ALDH16A1: variants seen among roughly 807,000 people sequenced by gnomAD.
ALDH16A1 encodes the protein aldehyde dehydrogenase family 16 member A1.
ALDH16A1 carries 88 observed loss-of-function variants against 96.1 expected under a neutral mutation model. The ratio of observed to expected loss-of-function variants is 0.92; its 90% confidence interval spans 0.77 to 1.09. The LOEUF is 1.09. Among genes scored for constraint, ALDH16A1 ranks in the 50% least tolerant of loss-of-function variants. ALDH16A1 has a pLI of 0.00. For synonymous variants in ALDH16A1, 522 were observed against 496.4 expected (o/e 1.05, Z -0.69); for missense variants, 1,250 against 1,112.6 (o/e 1.12, Z -1.76).
At chr19:49,460,679 G>A (rs1315094251) in intron 4 of ALDH16A1, 143 bp from the exon 5 acceptor site, 7 of 685,512 alleles carry the variant, frequency 1.0e-5, no homozygotes, top group African/African-American at 9.1e-5. Context: ...CTCCCAAAGT[G>A]CTGAGATTAC....
chr19:49,461,212 G>A (rs112374377), intron 5 of ALDH16A1, among the ~76,000 whole-genome samples: 4 of 125,732 alleles, frequency 3.2e-5, no homozygotes, highest in South Asian at 2.5e-4. Context: ...AGGGAGGAGG[G>A]GCTGGGGTCT....
Position 49,461,977 on chromosome 19 carries a change from G to T in ALDH16A1, c.853G>T (p.Ala285Ser), listed in dbSNP as rs1601028501. 6.4e-7 allele frequency: 1 copy of T among 1,555,228 alleles called. No individual in the cohort carries two copies. The highest frequency in any genetic ancestry group is 8.7e-7 in the Non-Finnish European group (1 of 1,153,458). Residue 285 changes from alanine to serine, a missense_variant, in exon 7 of 17, where the codon GCG becomes TCG. Transcript: ENST00000293350. ...TESLLLLTDTADVDSAVEGVV... is the reference protein window; with the variant it reads ...TESLLLLTDTSDVDSAVEGVV... Reference sequence around the variant, plus strand: ...GTCGCTGCTGCTGCTGACGGACACGGCGGACGTAGACTCGGCCGTGGAGGG... The same window carrying T: ...GTCGCTGCTGCTGCTGACGGACACGTCGGACGTAGACTCGGCCGTGGAGGG...
In ALDH16A1 at chr19:49,459,578, TG is replaced by T; in HGVS notation, c.321-88del. ...ATGGTGGGGATGCCTCAGGGGCTCA[TG>T]GGGATTGTAGTCCAGGTATATAGGA... On this transcript the variant is annotated intron_variant, in intron 3 of 16. Transcript: ENST00000293350. The surrounding 1 kb of genome is among the most constrained non-coding windows in gnomAD (Gnocchi z 4.1). The T allele has an allele frequency of 7.0e-7, 1 of 1,426,210 alleles. No homozygotes were observed. The highest frequency in any genetic ancestry group is 9.3e-7 in the Non-Finnish European group (1 of 1,069,770). The allele number at this position is 1,426,210 out of a possible 1,614,324, so 88.3% of individuals were successfully genotyped here.
intron 12 of ALDH16A1, 91 bp downstream of exon 12, chr19:49,464,853 G>A (rs1330311379): frequency 3.2e-6 from 5 of 1,577,420 alleles, no homozygotes; most frequent in African/African-American, 1.3e-5. Flanking sequence ...CTGGCGCGAG[G>A]TCCATCCAAA....
At position 49,465,823 on chromosome 19, in the gene ALDH16A1, G is replaced by C; in HGVS notation, c.1654G>C (p.Gly552Arg). The C allele has an allele frequency of 6.2e-7, 1 of 1,614,142 alleles. No individual in the cohort carries two copies. Among genetic ancestry groups the C allele is most frequent in the Non-Finnish European group, 8.5e-7 (1 of 1,180,014 alleles). Residue 552 changes from glycine to arginine, a missense_variant, in exon 13 of 17, where the codon GGC becomes CGC. Physicochemically the swap from Gly to Arg is moderately radical, Grantham distance 125. Transcript: ENST00000293350. ...CTCCAGGCCCATCCGGGATTCGTCT[G>C]GCAACCTCCATGGCTACGTGGCTGA... ...RSSRPIRDSSGNLHGYVAEGG... is the reference protein window; with the variant it reads ...RSSRPIRDSSRNLHGYVAEGG...
chr19:49,464,510 C>G lies in ALDH16A1; in HGVS notation c.1425C>G (p.His475Gln). Residue 475 changes from histidine to glutamine, a missense_variant, in exon 11 of 17, where the codon CAC becomes CAG. Transcript: ENST00000293350. ...GGCKESGCSW[H>Q]GGPDGLYEYL... ...GCAAGGAGAGTGGGTGTTCCTGGCA[C>G]GGGGGCCCAGACGTGAGTACATCCC... 1 of 1,613,792 alleles carries G rather than the reference C, an allele frequency of 6.2e-7. No individual in the cohort carries two copies. Among genetic ancestry groups the G allele is most frequent in the South Asian group, 1.1e-5 (1 of 91,072 alleles).
chr19:49,458,055 A>G (rs79332767), intron 1 of ALDH16A1, among the ~76,000 whole-genome samples: 3,408 of 152,174 alleles, frequency 0.022, 138 homozygotes, highest in African/African-American at 0.077. Flanking sequence ...CTCTACTAAA[A>G]ATACAAAAAC....
intron 1 of ALDH16A1, 60 bp from the exon 2 acceptor site, chr19:49,458,426 G>T: frequency 7.5e-7 from 1 of 1,328,188 alleles, no homozygotes; most frequent in Non-Finnish European, 1.1e-6. Flanking sequence ...ATTCTGGGTA[G>T]GGGTTGAACT....
intron 1 of ALDH16A1, 29 bp from the exon 2 acceptor site, chr19:49,458,457 C>T: frequency 1.9e-6 from 3 of 1,545,340 alleles, no homozygotes; most frequent in Non-Finnish European, 2.6e-6. Context: ...CTCCCGAACC[C>T]CTTTCCAAAC....
At chr19:49,460,416 G>GT (rs58445185) in intron 4 of ALDH16A1, among the ~76,000 whole-genome samples, 233 of 139,722 alleles carry the variant, frequency 1.7e-3, no homozygotes, top group East Asian at 0.011. Flanking sequence ...TTTTGTTTTT[G>GT]TTTTTTTTTT....
At chr19:49,453,629 C>G (rs925043141) in intron 1 of ALDH16A1, 36 of 524,484 alleles carry the variant, frequency 6.9e-5, no homozygotes, top group African/African-American at 6.3e-4. Flanking sequence ...TCCGGTCTTC[C>G]CCACTGGTTC....
rs2079237319 is a variant in ALDH16A1 at position 49,470,541 on chromosome 19, T to TTC, written c.*75_*76dup. 21 of 1,406,104 alleles carry TTC rather than the reference T, an allele frequency of 1.5e-5. No individual in the cohort carries two copies. In the South Asian group the frequency reaches 2.9e-4, roughly 20 times the overall value. 87.1% of individuals were successfully genotyped at this position (1,406,104 alleles called of 1,614,324 possible). ...ATGCACCCCACAGACACCTGGGACTTTCCCCTTCTGGTTCCTGTGTCTCCC... is the reference window on the plus strand; with the variant it reads ...ATGCACCCCACAGACACCTGGGACTTTCTCCCCTTCTGGTTCCTGTGTCTCCC... On this transcript the variant is annotated 3_prime_UTR_variant, in exon 17 of 17. Transcript: ENST00000293350.
At chr19:49,461,832 C>A in intron 6 of ALDH16A1, 32 bp downstream of exon 6, 2 of 1,602,518 alleles carry the variant, frequency 1.2e-6, no homozygotes, top group Non-Finnish European at 1.7e-6. Flanking sequence ...TGGCGGAACG[C>A]GGCTGGGGGC....
chr19:49,459,935 A>G lies in ALDH16A1; in HGVS notation c.499+87A>G. 1 of 1,453,958 alleles carries G rather than the reference A, an allele frequency of 6.9e-7. No individual in the cohort carries two copies. The highest frequency in any genetic ancestry group is 1.3e-5 in the South Asian group (1 of 74,252). The allele number at this position is 1,453,958 out of a possible 1,614,324, so 90.1% of individuals were successfully genotyped here. On this transcript the variant is annotated intron_variant, in intron 4 of 16. Transcript: ENST00000293350. The surrounding 1 kb of genome is among the most constrained non-coding windows in gnomAD (Gnocchi z 4.1). Reference sequence around the variant, plus strand: ...CCCTCATTCTTTTTCTTTTAGACAGAGTTTCGCTCTTGTCGCCCAGGCCGG... The same window carrying G: ...CCCTCATTCTTTTTCTTTTAGACAGGGTTTCGCTCTTGTCGCCCAGGCCGG...
chr19:49,457,641 GCT>G (rs1319106559), intron 1 of ALDH16A1, among the ~76,000 whole-genome samples: 1 of 151,464 alleles, frequency 6.6e-6, no homozygotes, highest in East Asian at 2.0e-4. Context: ...ACAGAGCCTT[GCT>G]CTGTTACTCA....
In ALDH16A1 at chr19:49,464,772, T is replaced by A; in HGVS notation, c.1568+10T>A. The A allele has an allele frequency of 6.2e-7, 1 of 1,613,702 alleles. No individual in the cohort carries two copies. The highest frequency in any genetic ancestry group is 8.5e-7 in the Non-Finnish European group (1 of 1,179,958). The stretch of plus-strand genomic sequence containing the variant: ...CTGAAATAGGGCCCAGGTGAGTCGT[T>A]GGGGGCCAGTGGTCTGGGAGTGTGA... On this transcript the variant is annotated intron_variant, in intron 12 of 16. Transcript: ENST00000293350.
At position 49,470,302 on chromosome 19, in the gene ALDH16A1, T is replaced by C; in HGVS notation, c.2248-4T>C. 6.2e-7 allele frequency: 1 copy of C among 1,613,270 alleles called. No individual in the cohort carries two copies. The highest frequency in any genetic ancestry group is 1.1e-5 in the South Asian group (1 of 91,074). ...TGCTTACCCCCGTCTCTTCCTCCCCTCAGGGTTCCCAGTTTGTCGAGTGGG... is the reference window on the plus strand; with the variant it reads ...TGCTTACCCCCGTCTCTTCCTCCCCCCAGGGTTCCCAGTTTGTCGAGTGGG... On this transcript the variant is annotated splice_polypyrimidine_tract_variant and splice_region_variant and intron_variant, in intron 16 of 16. Coordinates refer to ENST00000293350, the MANE Select transcript of ALDH16A1 (RefSeq NM_153329.4).
In ALDH16A1 at chr19:49,468,195, G is replaced by A. The variant is rs2079215098; in HGVS notation, c.1939-186G>A. On this transcript the variant is annotated intron_variant, in intron 14 of 16. Coordinates refer to ENST00000293350, the MANE Select transcript of ALDH16A1 (RefSeq NM_153329.4). This position sits in a 1 kb window ranked among gnomAD's most constrained non-coding sequence, Gnocchi z 4.4. ...AAAAAGAAAGGCGGTTATGCAGGATGTTTCTCACCGCCCGAACCCCCGTGG... is the reference window on the plus strand; with the variant it reads ...AAAAAGAAAGGCGGTTATGCAGGATATTTCTCACCGCCCGAACCCCCGTGG... 1.8e-6 allele frequency: 1 copy of A among 564,130 alleles called. No individual in the cohort carries two copies. The highest frequency in any genetic ancestry group is 3.1e-6 in the Non-Finnish European group (1 of 322,476). The allele number at this position is 564,130 out of a possible 1,614,324, so 34.9% of individuals were successfully genotyped here.
chr19:49,464,551 C>A (rs34601909), intron 11 of ALDH16A1, 29 bp downstream of exon 11: 31 of 1,612,496 alleles, frequency 1.9e-5, no homozygotes, highest in Middle Eastern at 1.6e-4. Context: ...CGTCACCAGC[C>A]CCCCCGCCGC....
Sources: gnomAD v4.1 joint callset for allele counts (sites outside exome capture counted in the v4.1 genomes callset) on GRCh38, gnomAD v4.1.1 for gene constraint, Gnocchi (gnomAD v3.1) non-coding constraint, MANE v1.5 for transcripts, NCBI Gene and HGNC (gene_info 2026-07-23, HGNC 2026-07-21) for gene names.